The following ADCY8 variants were observed in gnomAD, a reference collection of about 807,000 sequenced individuals.
ADCY8 encodes the protein adenylate cyclase 8, also known as adenylate cyclase type 8.
ADCY8 carries 51 observed loss-of-function variants against 119.7 expected under a neutral mutation model. That is an observed-to-expected ratio of 0.43 (90% CI 0.34 to 0.54). ADCY8 has a LOEUF of 0.54. Among genes scored for constraint, ADCY8 ranks in the 20% least tolerant of loss-of-function variants. ADCY8 has a pLI of 0.03. For synonymous variants in ADCY8, 665 were observed against 651.0 expected, an observed-to-expected ratio of 1.02 and a Z score of -0.33; for missense variants, 1,383 against 1,598.8, an observed-to-expected ratio of 0.87 and a Z score of 2.30.
At chr8:130,783,244 T>C (rs978076714) in intron 17 of ADCY8, among the ~76,000 whole-genome samples, 6 of 152,182 alleles carry the variant, frequency 3.9e-5, no homozygotes, top group Non-Finnish European at 7.4e-5. Context: ...TCCCTGGAAG[T>C]ATAGTATCTG....
intron 12 of ADCY8, among the ~76,000 whole-genome samples, chr8:130,826,742 G>GTGTCA (rs1034803868): frequency 6.9e-6 from 1 of 144,412 alleles, no homozygotes; most frequent in Admixed American, 6.8e-5. Context: ...GGAAACAGCA[G>GTGTCA]TGTCATGAAT....
chr8:130,895,476 G>A (rs1482609070), intron 7 of ADCY8, among the ~76,000 whole-genome samples: 5 of 152,148 alleles, frequency 3.3e-5, no homozygotes, highest in Non-Finnish European at 5.9e-5. Context: ...AGGATGATGA[G>A]TCAAAGCAAA....
At chr8:130,903,274 G>C (rs1418773395) in intron 7 of ADCY8, among the ~76,000 whole-genome samples, 1 of 151,938 alleles carries the variant, frequency 6.6e-6, no homozygotes, top group Non-Finnish European at 1.5e-5. Context: ...TGCTCCTCCT[G>C]AACTCCCTAA....
At chr8:130,801,091 C>T (rs1196842829) in intron 14 of ADCY8, among the ~76,000 whole-genome samples, 1 of 152,166 alleles carries the variant, frequency 6.6e-6, no homozygotes, top group African/African-American at 2.4e-5. Flanking sequence ...TCCATTGCAC[C>T]ACAGTCACAG....
intron 14 of ADCY8, among the ~76,000 whole-genome samples, chr8:130,806,801 C>T (rs956274549): frequency 6.6e-6 from 1 of 152,110 alleles, no homozygotes; most frequent in South Asian, 2.1e-4. Flanking sequence ...CCTAGCAGGT[C>T]ACAGATGTAA....
Position 130,780,795 on chromosome 8 carries a change from C to G in ADCY8, c.3351G>C (p.Leu1117=). 6.2e-7 allele frequency: 1 copy of G among 1,614,176 alleles called. No individual in the cohort carries two copies. Among genetic ancestry groups the G allele is most frequent in the Non-Finnish European group, 8.5e-7 (1 of 1,180,010 alleles). The stretch of plus-strand genomic sequence containing the variant: ...CCCCCGTGCTGTCCATTCGGCTTGC[C>G]AGGTTCACAGTTTTGCCCCAAATGT... ...QYDIWGKTVN[L]ASRMDSTGVS... is the part of the protein sequence containing the mutation. Residue 1117 remains leucine, a synonymous_variant, in exon 18 of 18, where the codon CTG becomes CTC. Coordinates refer to ENST00000286355, the MANE Select transcript of ADCY8 (RefSeq NM_001115.3).
intron 1 of ADCY8, among the ~76,000 whole-genome samples, chr8:131,008,199 T>C (rs1266770525): frequency 1.3e-5 from 2 of 152,162 alleles, no homozygotes; most frequent in Non-Finnish European, 1.5e-5. Flanking sequence ...TTAAGTAACT[T>C]GCTTCAGCTC....
intron 6 of ADCY8, among the ~76,000 whole-genome samples, chr8:130,905,430 T>C (rs13274422): frequency 0.13 from 19,263 of 152,246 alleles, 1,578 homozygotes; most frequent in South Asian, 0.33. Flanking sequence ...TACTAACAAT[T>C]TCCTACTGTC....
chr8:131,006,033 CTT>C (rs747596786), intron 1 of ADCY8, among the ~76,000 whole-genome samples: 107 of 152,178 alleles, frequency 7.0e-4, no homozygotes, highest in African/African-American at 2.2e-3. Context: ...CTCTCTCTCT[CTT>C]TCTCTCTCTC....
chr8:130,785,330 G>T, intron 16 of ADCY8, 53 bp downstream of exon 16: 2 of 1,314,048 alleles, frequency 1.5e-6, no homozygotes, highest in South Asian at 3.0e-5. Context: ...TCGGTGACAT[G>T]ACAACAGCAA....
intron 9 of ADCY8, among the ~76,000 whole-genome samples, chr8:130,851,499 GCT>G: frequency 6.6e-6 from 1 of 152,150 alleles, no homozygotes; most frequent in African/African-American, 2.4e-5. Context: ...GTGTGGCTGT[GCT>G]CAGGAGCTTT....
intron 15 of ADCY8, among the ~76,000 whole-genome samples, chr8:130,799,318 GT>G (rs1284945400): frequency 1.3e-5 from 2 of 152,160 alleles, no homozygotes; most frequent in African/African-American, 2.4e-5. Flanking sequence ...AAGATGTGAG[GT>G]GATGGATTTG....
At chr8:131,021,338 G>A (rs1193721278) in intron 1 of ADCY8, among the ~76,000 whole-genome samples, 1 of 152,068 alleles carries the variant, frequency 6.6e-6, no homozygotes, top group African/African-American at 2.4e-5. Context: ...GTCCAAGATG[G>A]CTGTTGGAGC....
chr8:130,926,883 T>C (rs935922112), intron 5 of ADCY8, among the ~76,000 whole-genome samples: 1 of 151,738 alleles, frequency 6.6e-6, no homozygotes, highest in African/African-American at 2.4e-5. Context: ...TCCACGTTCA[T>C]CTATATTATT....
intron 15 of ADCY8, 40 bp from the exon 16 acceptor site, chr8:130,785,515 A>G: frequency 6.7e-7 from 1 of 1,498,198 alleles, no homozygotes; most frequent in South Asian, 1.3e-5. Context: ...CCTGGTGTTT[A>G]TTCTTCCAGC....
intron 1 of ADCY8, among the ~76,000 whole-genome samples, chr8:131,038,359 C>T (rs1824230991): frequency 6.6e-6 from 1 of 152,190 alleles, no homozygotes; most frequent in Non-Finnish European, 1.5e-5. Context: ...CACCAGCCAT[C>T]TGTTTGAAAA....
Position 131,039,220 on chromosome 8 carries a change from C to T in ADCY8, c.960+154G>A, listed in dbSNP as rs1824267661. 2.6e-5 allele frequency among the ~76,000 whole-genome samples: 4 copies of T among 152,168 alleles called. No individual in the cohort carries two copies. In the South Asian group the frequency reaches 6.2e-4, roughly 24 times the overall value. On this transcript the variant is annotated intron_variant, in intron 1 of 17. Coordinates refer to ENST00000286355, the MANE Select transcript of ADCY8 (RefSeq NM_001115.3). The stretch of plus-strand genomic sequence containing the variant: ...TCCACTTTAAGAAGAGATTGCATTC[C>T]GCTAACACTCAAGACCTCCTAGGTA...
chr8:130,805,741 G>A (rs1815928011), intron 14 of ADCY8, among the ~76,000 whole-genome samples: 1 of 152,174 alleles, frequency 6.6e-6, no homozygotes, highest in Non-Finnish European at 1.5e-5. Context: ...GAGACAGAGT[G>A]GGACTGAGCT....
At chr8:130,947,281 G>A (rs938462387) in intron 3 of ADCY8, among the ~76,000 whole-genome samples, 2 of 152,110 alleles carry the variant, frequency 1.3e-5, no homozygotes, top group East Asian at 1.9e-4. Context: ...AGATGTGTTC[G>A]GTGTTCCAAT....
Sources: allele counts gnomAD v4.1 joint callset (sites outside exome capture counted in the v4.1 genomes callset), GRCh38; gene constraint gnomAD v4.1.1; transcripts MANE v1.5; gene names NCBI Gene and HGNC (gene_info 2026-07-23, HGNC 2026-07-21).